The following HDAC4 variants were observed in gnomAD, a reference collection of about 807,000 sequenced individuals.
HDAC4 encodes the protein histone deacetylase 4.
In HDAC4, 16 loss-of-function variants were observed where a neutral mutation model predicts 135.1. The observed-to-expected ratio is 0.12, with a 90% CI of 0.08 to 0.18. The LOEUF (loss-of-function observed/expected upper bound fraction) is 0.18. HDAC4 is among the 10% of genes least tolerant of loss of function. The pLI, the probability that HDAC4 is intolerant of heterozygous loss-of-function variation, is 1.00. For synonymous variants in HDAC4, 685 were observed against 653.4 expected, an observed-to-expected ratio of 1.05 and a Z score of -0.74; for missense variants, 1,143 against 1,511.8, an observed-to-expected ratio of 0.76 and a Z score of 4.05.
intron 2 of HDAC4, among the ~76,000 whole-genome samples, chr2:239,270,613 G>C (rs1360085483): frequency 2.0e-5 from 3 of 152,190 alleles, no homozygotes; most frequent in Admixed American, 1.3e-4. Flanking sequence ...CTCGGAACTG[G>C]ACCACTCCCT....
intron 1 of HDAC4, among the ~76,000 whole-genome samples, chr2:239,386,483 G>A (rs549168110): frequency 3.0e-4 from 46 of 152,154 alleles, no homozygotes; most frequent in Non-Finnish European, 4.3e-4. Context: ...GGGGCATCCC[G>A]GGGTGGCCGG....
intron 25 of HDAC4, among the ~76,000 whole-genome samples, chr2:239,053,822 C>G (rs976431708): frequency 9.8e-5 from 15 of 152,310 alleles, no homozygotes; most frequent in African/African-American, 2.9e-4. Context: ...GTGAGTGGCT[C>G]GAGTCCCTCC....
Position 239,400,667 on chromosome 2 carries a change from G to C in HDAC4, c.-220+311C>G, listed in dbSNP as rs1696919726. 6.8e-6 allele frequency: 1 copy of C among 146,578 alleles called. No homozygotes were observed. The allele number at this position is 146,578 out of a possible 1,614,324, so 9.1% of individuals were successfully genotyped here. A position where few individuals can be genotyped will look rare whatever the true frequency, so the allele number is the denominator to read the frequency against. ...GGCGGGCGGCGGACAATGGCCCGCG[G>C]GCGCCGGGCCGGGGCTGCGCTTACC... On this transcript the variant is annotated intron_variant, in intron 1 of 26. Coordinates refer to ENST00000543185, the MANE Select transcript of HDAC4 (RefSeq NM_001378414.1). The surrounding 1 kb of genome is among the most constrained non-coding windows in gnomAD (Gnocchi z 4.7).
chr2:239,197,309 C>T (rs1347342475), intron 3 of HDAC4, among the ~76,000 whole-genome samples: 2 of 152,300 alleles, frequency 1.3e-5, no homozygotes, highest in East Asian at 3.9e-4. Context: ...AAAATGGGCG[C>T]CACGTGATGC....
rs139619617 is a variant in HDAC4, at chr2:239,118,497, C to T, written c.1534-3187G>A. On this transcript the variant is annotated intron_variant, in intron 12 of 26. Coordinates refer to ENST00000543185, the MANE Select transcript of HDAC4 (RefSeq NM_001378414.1). ...GAGAGTGCAGCGGTGGGTGGCCGCG[C>T]GTCGGGAACAGGAACGTGCTGTCCA... 7.2e-4 allele frequency among the ~76,000 whole-genome samples: 110 copies of T among 152,254 alleles called. 1 individual carries two copies. Among genetic ancestry groups the T allele is most frequent in the African/African-American group, 2.3e-3 (96 of 41,552 alleles).
intron 17 of HDAC4, among the ~76,000 whole-genome samples, chr2:239,092,442 C>A (rs1436692469): frequency 6.6e-6 from 1 of 152,120 alleles, no homozygotes; most frequent in Non-Finnish European, 1.5e-5. Context: ...GGGATTAGGC[C>A]AACACTGCAG....
chr2:239,158,855 C>A (rs749003030), intron 6 of HDAC4, among the ~76,000 whole-genome samples: 1 of 152,052 alleles, frequency 6.6e-6, no homozygotes, highest in South Asian at 2.1e-4. Context: ...TCCAGCAGGG[C>A]GAGCAGAAGT....
chr2:239,278,249 G>A (rs2125326414), intron 2 of HDAC4, among the ~76,000 whole-genome samples: 2 of 151,742 alleles, frequency 1.3e-5, no homozygotes, highest in Middle Eastern at 6.8e-3. Flanking sequence ...TTCACCCTGA[G>A]GACCCTCCAG....
chr2:239,340,602 C>T (rs1692238456), intron 2 of HDAC4, among the ~76,000 whole-genome samples: 1 of 152,236 alleles, frequency 6.6e-6, no homozygotes, highest in African/African-American at 2.4e-5. Flanking sequence ...TCTGTTACAA[C>T]AGCCTGGACA....
chr2:239,107,374 A>G (rs1483538845), intron 15 of HDAC4, among the ~76,000 whole-genome samples: 2 of 152,248 alleles, frequency 1.3e-5, no homozygotes, highest in African/African-American at 4.8e-5. Context: ...GGCCGCTGCC[A>G]TCGCCTGGCG....
At chr2:239,099,981 G>A (rs973078160) in intron 16 of HDAC4, among the ~76,000 whole-genome samples, 5 of 152,330 alleles carry the variant, frequency 3.3e-5, no homozygotes, top group African/African-American at 9.6e-5. Context: ...CTACTCACCC[G>A]GCAGTTTGGC....
intron 3 of HDAC4, among the ~76,000 whole-genome samples, chr2:239,191,524 G>A (rs1026991739): frequency 6.6e-6 from 1 of 152,246 alleles, no homozygotes; most frequent in African/African-American, 2.4e-5. Context: ...CCAAACCACT[G>A]GAGGTCCTGG....
chr2:239,248,061 G>A (rs375451148), intron 2 of HDAC4, among the ~76,000 whole-genome samples: 6 of 152,216 alleles, frequency 3.9e-5, no homozygotes, highest in African/African-American at 9.6e-5. Flanking sequence ...TGTTCTGTGC[G>A]AGTCAGGCTG....
At chr2:239,118,537 G>C (rs967172989) in intron 12 of HDAC4, among the ~76,000 whole-genome samples, 1 of 152,170 alleles carries the variant, frequency 6.6e-6, no homozygotes, top group Non-Finnish European at 1.5e-5. Flanking sequence ...TGAGCGTGCC[G>C]TTGGGAGAGG....
At chr2:239,391,807 G>T (rs1055574364) in intron 1 of HDAC4, among the ~76,000 whole-genome samples, 1 of 152,216 alleles carries the variant, frequency 6.6e-6, no homozygotes, top group African/African-American at 2.4e-5. Flanking sequence ...CCAGGAGAAG[G>T]ATACGTGAAA....
intron 2 of HDAC4, among the ~76,000 whole-genome samples, chr2:239,263,064 G>A (rs945546777): frequency 6.6e-6 from 1 of 152,194 alleles, no homozygotes; most frequent in Non-Finnish European, 1.5e-5. Context: ...GGGACCAAGA[G>A]AAGATCCCAG....
chr2:239,229,011 G>A (rs913264000), intron 3 of HDAC4, among the ~76,000 whole-genome samples: 9 of 152,086 alleles, frequency 5.9e-5, no homozygotes, highest in East Asian at 1.9e-4. Context: ...GCGTGGTGGC[G>A]GGCGCCTGTA....
intron 2 of HDAC4, among the ~76,000 whole-genome samples, chr2:239,326,564 T>C (rs1169240048): frequency 2.6e-5 from 4 of 152,184 alleles, no homozygotes; most frequent in African/African-American, 9.7e-5. Context: ...ACAAAGAAAT[T>C]AATATACATG....
chr2:239,243,342 C>T (rs113688586), intron 2 of HDAC4, among the ~76,000 whole-genome samples: 18 of 152,144 alleles, frequency 1.2e-4, no homozygotes, highest in African/African-American at 3.6e-4. Context: ...TTAGTAGAGA[C>T]GGGGTTTCAC....
Sources: allele counts gnomAD v4.1 joint callset (sites outside exome capture counted in the v4.1 genomes callset), GRCh38; gene constraint gnomAD v4.1.1; non-coding constraint Gnocchi (gnomAD v3.1); transcripts MANE v1.5; gene names NCBI Gene and HGNC (gene_info 2026-07-23, HGNC 2026-07-21).